Variants in TICRR observed in about 807,000 individuals in gnomAD.
TICRR encodes the protein TOPBP1 interacting checkpoint and replication regulator.
TICRR carries 132 observed loss-of-function variants against 178.1 expected under a neutral mutation model. That is an observed-to-expected ratio of 0.74 (90% confidence interval 0.64 to 0.86). TICRR has a LOEUF of 0.86. TICRR is among the 40% of genes least tolerant of loss of function. TICRR has a pLI of 0.00. For missense variants in TICRR, 2,587 were observed against 2,334.3 expected, an observed-to-expected ratio of 1.11 and a Z score of -2.23; for synonymous variants, 991 against 900.7, an observed-to-expected ratio of 1.10 and a Z score of -1.79.
At chr15:89,578,610 T>C (rs1962666316) in intron 1 of TICRR, among the ~76,000 whole-genome samples, 2 of 152,098 alleles carry the variant, frequency 1.3e-5, no homozygotes, top group African/African-American at 4.8e-5. Flanking sequence ...GCTTGATGGA[T>C]CTTGGAGATT....
chr15:89,595,500 G>T lies in TICRR; in HGVS notation c.1789G>T (p.Asp597Tyr). The part of the protein sequence containing the change: ...LNVKAQKLHP[D>Y]GSPDVAGEKG... Reference sequence around the variant, plus strand: ...TGTGAAGGCCCAGAAGTTACATCCAGATGGCAGTCCGGATGTGGCTGGGGA... The same window carrying T: ...TGTGAAGGCCCAGAAGTTACATCCATATGGCAGTCCGGATGTGGCTGGGGA... The change falls in exon 7 of 22, where the codon GAT becomes TAT. Residue 597 changes from aspartate to tyrosine, a missense_variant. Transcript: ENST00000268138. The T allele has an allele frequency of 6.2e-7, 1 of 1,614,192 alleles. No homozygotes were observed. The highest frequency in any genetic ancestry group is 8.5e-7 in the Non-Finnish European group (1 of 1,180,038).
In TICRR at chr15:89,620,400, G is replaced by A. The variant is rs1963405045; in HGVS notation, c.3154+558G>A. ...ATTTTTTGTTTTTAGTAAAGACTGGGTTTCACCATGTTGCCCAGGCTGGTC... is the reference window on the plus strand; with the variant it reads ...ATTTTTTGTTTTTAGTAAAGACTGGATTTCACCATGTTGCCCAGGCTGGTC... On this transcript the variant is annotated intron_variant, in intron 18 of 21. Transcript: ENST00000268138. Among the ~76,000 whole-genome samples the A allele has an allele frequency of 2.6e-5, 4 of 151,900 alleles. No homozygotes were observed. The South Asian group carries it at 8.3e-4, about 32-fold the overall frequency.
chr15:89,625,068 T>C lies in TICRR; in HGVS notation c.4758T>C (p.Ala1586=), dbSNP rs759619801. 4 of 1,613,982 alleles carry C rather than the reference T, an allele frequency of 2.5e-6. No homozygotes were observed. The highest frequency in any genetic ancestry group is 3.4e-6 in the Non-Finnish European group (4 of 1,180,008). Residue 1586 remains alanine (A), a synonymous_variant, in exon 20 of 22, where the codon GCT becomes GCC. Coordinates refer to ENST00000268138, the MANE Select transcript of TICRR (RefSeq NM_152259.4). ...KKIDPSSSLE[A]EPLSKEESSL... ...TAGACCCCAGCTCTTCATTAGAGGCTGAGCCCCTCAGCAAGGAGGAGAGCT... is the reference window on the plus strand; with the variant it reads ...TAGACCCCAGCTCTTCATTAGAGGCCGAGCCCCTCAGCAAGGAGGAGAGCT...
intron 4 of TICRR, among the ~76,000 whole-genome samples, chr15:89,586,371 T>A (rs1962823887): frequency 6.6e-6 from 1 of 151,988 alleles, no homozygotes; most frequent in Non-Finnish European, 1.5e-5. Flanking sequence ...TATATATATA[T>A]AAAATCAACT....
chr15:89,599,545 G>T lies in TICRR; in HGVS notation c.2052+70G>T. On this transcript the variant is annotated intron_variant, in intron 8 of 21. Transcript: ENST00000268138. Reference sequence around the variant, plus strand: ...GGTTGGTTGGTTGGTGGTGGATTTGGTTAGTGTCTTGGAAAATGTCTGTTA... The same window carrying T: ...GGTTGGTTGGTTGGTGGTGGATTTGTTTAGTGTCTTGGAAAATGTCTGTTA... 4 of 1,503,860 alleles carry T rather than the reference G, an allele frequency of 2.7e-6. No homozygotes were observed. The African/African-American group carries it at 4.2e-5, about 16-fold the overall frequency. The allele number at this position is 1,503,860 out of a possible 1,614,324, so 93.2% of individuals were successfully genotyped here.
Position 89,579,955 on chromosome 15 carries a change from G to A in TICRR, c.655-2731G>A, listed in dbSNP as rs541626693. 13 of 152,212 alleles carry A rather than the reference G, an allele frequency of 8.5e-5. No individual in the cohort carries two copies. In the South Asian group the frequency reaches 1.9e-3, roughly 22 times the overall value. 9.4% of individuals were successfully genotyped at this position (152,212 alleles called of 1,614,324 possible). A position where few individuals can be genotyped will look rare whatever the true frequency, so the allele number is the denominator to read the frequency against. On this transcript the variant is annotated intron_variant, in intron 1 of 21. Transcript: ENST00000268138. ...TTGTAAGCAACATTAAGCAGACTAC[G>A]CCATGCACACATTACCTTTAATAGA...
chr15:89,607,056 AC>A lies in TICRR; in HGVS notation c.2722+232del, dbSNP rs769853998. On this transcript the variant is annotated intron_variant, in intron 14 of 21. Coordinates refer to ENST00000268138, the MANE Select transcript of TICRR (RefSeq NM_152259.4). Reference sequence around the variant, plus strand: ...AAAAACAAAAACAAAATTAAAAAAAACATCATGAAAGCTGGAAGAAAGGAAA... The same window carrying A: ...AAAAACAAAAACAAAATTAAAAAAAAATCATGAAAGCTGGAAGAAAGGAAA... Among the ~76,000 whole-genome samples, 99 of 152,296 alleles carry A rather than the reference AC, an allele frequency of 6.5e-4. 3 individuals are homozygous for A. Among genetic ancestry groups the A allele is most frequent in the Middle Eastern group, 6.8e-3 (2 of 294 alleles).
At chr15:89,595,266 T>A in intron 6 of TICRR, 127 bp from the exon 7 acceptor site, 1 of 699,928 alleles carries the variant, frequency 1.4e-6, no homozygotes, top group South Asian at 1.9e-5. Flanking sequence ...AACTTCCTAA[T>A]TCAAATCATT....
intron 19 of TICRR, among the ~76,000 whole-genome samples, 162 bp downstream of exon 19, chr15:89,621,712 G>C (rs1019538540): frequency 2.6e-5 from 4 of 152,158 alleles, no homozygotes; most frequent in Admixed American, 1.3e-4. Flanking sequence ...TATTAGACAC[G>C]TGGGAACTTC....
intron 16 of TICRR, 83 bp downstream of exon 16, chr15:89,616,578 G>T: frequency 9.8e-7 from 1 of 1,022,932 alleles, no homozygotes; most frequent in South Asian, 1.4e-5. Context: ...CGCTTCTCTT[G>T]ACCTTCATGA....
intron 13 of TICRR, among the ~76,000 whole-genome samples, chr15:89,604,748 G>T (rs948937570): frequency 2.2e-5 from 3 of 134,474 alleles, no homozygotes; most frequent in Non-Finnish European, 4.6e-5. Context: ...TCCAGCCTGG[G>T]TTACAGAGAG....
At chr15:89,611,347 G>T (rs563512659) in intron 15 of TICRR, among the ~76,000 whole-genome samples, 1 of 152,160 alleles carries the variant, frequency 6.6e-6, no homozygotes, top group Non-Finnish European at 1.5e-5. Flanking sequence ...CCAAATTTCT[G>T]ATGAGAAATC....
chr15:89,601,422 C>G (rs766030792), intron 10 of TICRR, 31 bp downstream of exon 10: 7 of 1,611,504 alleles, frequency 4.3e-6, no homozygotes, highest in Non-Finnish European at 5.9e-6. Context: ...CATTGAAATA[C>G]GCCCTAGATG....
intron 7 of TICRR, among the ~76,000 whole-genome samples, chr15:89,597,393 A>G (rs939979158): frequency 1.3e-5 from 2 of 151,948 alleles, no homozygotes; most frequent in African/African-American, 4.8e-5. Flanking sequence ...GCGTGGTGGC[A>G]GGCGCCTGTA....
At chr15:89,602,954 C>A (rs1304600850) in intron 13 of TICRR, 62 bp downstream of exon 13, 2 of 868,156 alleles carry the variant, frequency 2.3e-6, no homozygotes, top group East Asian at 3.1e-5. Flanking sequence ...AGTGTCCCTA[C>A]TTTTAGGAAA....
Position 89,599,308 on chromosome 15 carries a change from T to G in TICRR, c.1901-16T>G. The G allele has an allele frequency of 6.3e-7, 1 of 1,587,432 alleles. No homozygotes were observed. The highest frequency in any genetic ancestry group is 1.4e-5 in the African/African-American group (1 of 73,622). ...GCAAGATATGATTAATCCATTTTAT[T>G]TTATTTTTTTCTCAGATTTTAAAAC... On this transcript the variant is annotated splice_polypyrimidine_tract_variant and intron_variant, in intron 7 of 21. Transcript: ENST00000268138.
Position 89,585,559 on chromosome 15 carries a change from C to T in TICRR, c.1177-149C>T, listed in dbSNP as rs539810934. On this transcript the variant is annotated intron_variant, in intron 3 of 21. Coordinates refer to ENST00000268138, the MANE Select transcript of TICRR (RefSeq NM_152259.4). Reference sequence around the variant, plus strand: ...GACTCTGTGATTAATAAATTCCCTTCTACCTCTATTAATGATCAAATCTAT... The same window carrying T: ...GACTCTGTGATTAATAAATTCCCTTTTACCTCTATTAATGATCAAATCTAT... 4.6e-5 allele frequency: 29 copies of T among 636,748 alleles called. 1 individual carries two copies. In the Middle Eastern group the frequency reaches 9.5e-4, roughly 21 times the overall value. 39.4% of individuals were successfully genotyped at this position (636,748 alleles called of 1,614,324 possible).
rs200319520 is a variant in TICRR at position 89,594,510 on chromosome 15, G to A, written c.1637G>A (p.Arg546His). ...CLAELYQRKS[R>H]EESTIAHQED... ...GCCGAGCTCTACCAGAGAAAATCTC[G>A]TGAAGAATCCACTATAGCTCATCAA... Residue 546 changes from arginine to histidine, a missense_variant, in exon 6 of 22, where the codon CGT (arginine) becomes CAT (histidine). Arg to His is a conservative substitution (Grantham distance 29, BLOSUM62 0). Transcript: ENST00000268138. 4.1e-4 allele frequency: 664 copies of A among 1,613,146 alleles called. 4 individuals carry two copies. The South Asian group carries it at 4.3e-3, about 11-fold the overall frequency.
At chr15:89,599,519 T>C (rs1963058271) in intron 8 of TICRR, 44 bp downstream of exon 8, 2 of 1,574,140 alleles carry the variant, frequency 1.3e-6, no homozygotes, top group African/African-American at 1.4e-5. Context: ...ATGTAGTGGT[T>C]GGTTGGTTGG....
Sources: allele counts gnomAD v4.1 joint callset (sites outside exome capture counted in the v4.1 genomes callset), GRCh38; gene constraint gnomAD v4.1.1; transcripts MANE v1.5; gene names NCBI Gene and HGNC (gene_info 2026-07-23, HGNC 2026-07-21).